PCDHGA4: variants seen among roughly 807,000 people sequenced by gnomAD.
PCDHGA4 encodes protocadherin gamma-A4.
Under a neutral mutation model 54.6 loss-of-function variants are expected in PCDHGA4, and 38 were observed. That is an observed-to-expected ratio of 0.70 (90% confidence interval 0.54 to 0.91). The LOEUF (loss-of-function observed/expected upper bound fraction) is 0.91, where lower values mean the gene tolerates loss of function less well. PCDHGA4 is among the 40% of genes least tolerant of loss of function. The pLI is 0.00. For synonymous variants in PCDHGA4, 511 were observed against 512.9 expected, an observed-to-expected ratio of 1.00 and a Z score of 0.05; for missense variants, 1,298 against 1,220.9, an observed-to-expected ratio of 1.06 and a Z score of -0.94.
At chr5:141,420,230 A>G (rs758649822) in intron 1 of PCDHGA4, 3 of 1,601,528 alleles carry the variant, frequency 1.9e-6, no homozygotes, top group Admixed American at 1.7e-5. Flanking sequence ...ACTGGCTAGC[A>G]TTTTAACTCC....
chr5:141,399,968 G>T (rs1173181110), intron 1 of PCDHGA4: 2 of 1,612,128 alleles, frequency 1.2e-6, no homozygotes, highest in Non-Finnish European at 1.7e-6. Flanking sequence ...GGGCTCTTCA[G>T]CCTGGGGCTG....
At position 141,430,859 on chromosome 5, in the gene PCDHGA4, T is replaced by G. The variant is rs770543752; in HGVS notation, c.2515-63948T>G. The stretch of plus-strand genomic sequence containing the variant: ...GACCGGATGCACCCAGATACGCTAT[T>G]CAGTTCCGGAAGAGCTGGAGAAAGG... On this transcript the variant is annotated intron_variant, in intron 1 of 3. Transcript: ENST00000571252. 5.0e-6 allele frequency: 8 copies of G among 1,592,398 alleles called. No homozygotes were observed. The East Asian group carries it at 1.6e-4, about 31-fold the overall frequency.
chr5:141,417,910 A>G (rs1339671115), intron 1 of PCDHGA4: 2 of 1,599,246 alleles, frequency 1.3e-6, no homozygotes, highest in East Asian at 2.3e-5. Flanking sequence ...GGCAGGTACT[A>G]TTTCCTTTGC....
intron 1 of PCDHGA4, chr5:141,417,977 G>T (rs752463782): frequency 1.2e-6 from 2 of 1,613,872 alleles, no homozygotes; most frequent in South Asian, 2.2e-5. Context: ...GATTCCGGAG[G>T]AGCTGGCCAA....
chr5:141,415,740 GTTTTTTTTTTTTTTT>G (rs57426385), intron 1 of PCDHGA4: 171 of 625,014 alleles, frequency 2.7e-4, no homozygotes, highest in East Asian at 8.8e-4. Flanking sequence ...GTTTATTAAG[GTTTTTTTTTTTTTTT>G]TTTTTTTTTT....
Position 141,490,982 on chromosome 5 carries a change from G to A in PCDHGA4, c.2515-3825G>A, listed in dbSNP as rs964673026. 5 of 1,613,994 alleles carry A rather than the reference G, an allele frequency of 3.1e-6. No homozygotes were observed. Among genetic ancestry groups the A allele is most frequent in the Admixed American group, 1.7e-5 (1 of 60,020 alleles). On this transcript the variant is annotated intron_variant, in intron 1 of 3. Coordinates refer to ENST00000571252, the MANE Select transcript of PCDHGA4 (RefSeq NM_018917.4). This position sits in a 1 kb window ranked among gnomAD's most constrained non-coding sequence, Gnocchi z 5.4. The stretch of plus-strand genomic sequence containing the variant: ...CACTCAGCCCCCCAGCGTCTCCCTC[G>A]CTCTGCTCCTCCTGGCTCCTTGGTC...
In PCDHGA4 at chr5:141,477,650, A is replaced by G. The variant is rs199931735; in HGVS notation, c.2515-17157A>G. ...CGGGCTAGTGGGTCGCTATTTCACA[A>G]TAAATCGTGACAATGGCATAGTGTC... On this transcript the variant is annotated intron_variant, in intron 1 of 3. Transcript: ENST00000571252. This position sits in a 1 kb window ranked among gnomAD's most constrained non-coding sequence, Gnocchi z 4.9. The G allele has an allele frequency of 6.2e-6, 10 of 1,614,212 alleles. No individual in the cohort carries two copies. The highest frequency in any genetic ancestry group is 2.2e-5 in the East Asian group (1 of 44,888).
chr5:141,472,980 C>CAAAAAAAAAAAAAAAAAAAGAAAAAAAAA (rs60579131), intron 1 of PCDHGA4, among the ~76,000 whole-genome samples: 1 of 86,106 alleles, frequency 1.2e-5, no homozygotes, highest in Admixed American at 1.2e-4. Context: ...GAGTGAAACT[C>CAAAAAAAAAAAAAAAAAAAGAAAAAAAAA]AAAAAAAAAA....
In PCDHGA4 at chr5:141,381,826, C is replaced by CTTCTTTTT. The variant is rs1777532522; in HGVS notation, c.2514+24207_2514+24208insCTTTTTTT. 1.5e-3 allele frequency among the ~76,000 whole-genome samples: 109 copies of CTTCTTTTT among 74,300 alleles called. 1 individual carries two copies. Among genetic ancestry groups the CTTCTTTTT allele is most frequent in the African/African-American group, 6.4e-3 (104 of 16,204 alleles). 48.7% of individuals were successfully genotyped at this position (74,300 alleles called of 152,430 possible). On this transcript the variant is annotated intron_variant, in intron 1 of 3. Transcript: ENST00000571252. ...TTTCTTTCTTTCTTTCTTTCTTCTT[C>CTTCTTTTT]TTTTTTTTTTTTTTTTTTTTTTGGC...
chr5:141,365,873 T>A, intron 1 of PCDHGA4: 4 of 1,614,096 alleles, frequency 2.5e-6, no homozygotes, highest in Non-Finnish European at 3.4e-6. Context: ...CGGTGTCCTG[T>A]ATGCTCTGAG....
In PCDHGA4 at chr5:141,477,963, A is replaced by C; in HGVS notation, c.2515-16844A>C. ...TACAGTCTCTTGGGATCCCCTAACC[A>C]GAGCCTTTTTGCCATAGGGCTGCAC... On this transcript the variant is annotated intron_variant, in intron 1 of 3. Coordinates refer to ENST00000571252, the MANE Select transcript of PCDHGA4 (RefSeq NM_018917.4). The surrounding 1 kb of genome is among the most constrained non-coding windows in gnomAD (Gnocchi z 4.9). The C allele has an allele frequency of 1.2e-6, 2 of 1,614,118 alleles. No individual in the cohort carries two copies. The highest frequency in any genetic ancestry group is 1.7e-6 in the Non-Finnish European group (2 of 1,180,024).
intron 1 of PCDHGA4, chr5:141,422,813 TAGAACTG>T: frequency 6.2e-7 from 1 of 1,614,192 alleles, no homozygotes; most frequent in Non-Finnish European, 8.5e-7. Flanking sequence ...TTTCGAGACT[TAGAACTG>T]AGAGTGATAG....
chr5:141,488,441 C>T (rs1320712074), intron 1 of PCDHGA4, among the ~76,000 whole-genome samples: 1 of 152,206 alleles, frequency 6.6e-6, no homozygotes, highest in Non-Finnish European at 1.5e-5. Flanking sequence ...TGACCACCCT[C>T]CTGGGTGACC....
chr5:141,488,095 A>G (rs78361634), intron 1 of PCDHGA4, among the ~76,000 whole-genome samples: 8,142 of 152,146 alleles, frequency 0.054, 446 homozygotes, highest in African/African-American at 0.15. Flanking sequence ...CTGTGAAGGG[A>G]CCTCTCTATT....
rs761264372 is a variant in PCDHGA4 at position 141,489,500 on chromosome 5, A to G, written c.2515-5307A>G. 12 of 1,614,112 alleles carry G rather than the reference A, an allele frequency of 7.4e-6. No individual in the cohort carries two copies. In the South Asian group the frequency reaches 1.3e-4, roughly 18 times the overall value. On this transcript the variant is annotated intron_variant, in intron 1 of 3. Coordinates refer to ENST00000571252, the MANE Select transcript of PCDHGA4 (RefSeq NM_018917.4). This position sits in a 1 kb window ranked among gnomAD's most constrained non-coding sequence, Gnocchi z 4.5. ...TTGATGAGTGGTGCCCTGGCAGTGA[A>G]TCAAAAGATTGACCGAGAAAGCCTA...
intron 1 of PCDHGA4, chr5:141,415,556 CTT>C: frequency 6.2e-7 from 1 of 1,614,078 alleles, no homozygotes; most frequent in Non-Finnish European, 8.5e-7. Context: ...AAAAACGATC[CTT>C]TGTCTTTGTT....
At chr5:141,452,370 G>A (rs2098739834) in intron 1 of PCDHGA4, among the ~76,000 whole-genome samples, 1 of 152,136 alleles carries the variant, frequency 6.6e-6, no homozygotes, top group Non-Finnish European at 1.5e-5. Flanking sequence ...CTTCATTTTA[G>A]TAGGGAATAG....
chr5:141,363,266 T>C (rs1308915609), intron 1 of PCDHGA4, among the ~76,000 whole-genome samples: 5 of 152,268 alleles, frequency 3.3e-5, no homozygotes, highest in African/African-American at 1.2e-4. Context: ...CTTAAAACTT[T>C]GCTTTTGAAT....
At chr5:141,398,036 A>C (rs151208588) in intron 1 of PCDHGA4, 2 of 1,478,020 alleles carry the variant, frequency 1.4e-6, no homozygotes, top group African/African-American at 2.8e-5. Context: ...CTGGAACTAA[A>C]GCCCGTTCGG....
Sources: allele counts gnomAD v4.1 joint callset (sites outside exome capture counted in the v4.1 genomes callset), GRCh38; gene constraint gnomAD v4.1.1; non-coding constraint Gnocchi (gnomAD v3.1); transcripts MANE v1.5; gene names NCBI Gene and HGNC (gene_info 2026-07-23, HGNC 2026-07-21).